KXD1: variants seen among roughly 807,000 people sequenced by gnomAD.
KXD1 encodes kxDL motif-containing protein 1.
In KXD1, 5 loss-of-function variants were observed where a neutral mutation model predicts 12.1. The observed-to-expected ratio is 0.41, with a 90% CI of 0.22 to 0.87. KXD1 has a LOEUF of 0.87. Ranked by LOEUF, KXD1 falls within the 40% of genes least tolerant of loss-of-function variation. KXD1 has a pLI of 0.31. For missense variants in KXD1, 193 were observed against 244.9 expected (o/e 0.79, Z 1.41); for synonymous variants, 98 against 100.5 (o/e 0.98, Z 0.15).
In KXD1 at chr19:18,562,364, G is replaced by A. The variant is rs149844722; in HGVS notation, c.101+207G>A. 4.9e-4 allele frequency among the ~76,000 whole-genome samples: 75 copies of A among 152,382 alleles called. No homozygotes were observed. In the East Asian group the frequency reaches 9.6e-3, roughly 20 times the overall value. ...AGGGCTTTGGGGAGATTTTGCAGCT[G>A]CGGATGGCTTGGCGGGGGCCGCAGG... On this transcript the variant is annotated intron_variant, in intron 2 of 4. Coordinates refer to ENST00000222307, the MANE Select transcript of KXD1 (RefSeq NM_024069.4).
intron 3 of KXD1, among the ~76,000 whole-genome samples, chr19:18,565,914 C>T (rs1975200321): frequency 1.3e-5 from 2 of 152,194 alleles, no homozygotes; most frequent in Admixed American, 1.3e-4. Context: ...TCTCAAACTC[C>T]TGAGCTCCAG....
At position 18,568,445 on chromosome 19, in the gene KXD1, C is replaced by A; in HGVS notation, c.345C>A (p.Pro115=). The A allele has an allele frequency of 6.2e-7, 1 of 1,614,096 alleles. No homozygotes were observed. The highest frequency in any genetic ancestry group is 8.5e-7 in the Non-Finnish European group (1 of 1,180,006). ...TCCTGGAGGAAGAGGATGAAGACCC[C>A]ATCCCACCCAGCACCACGACCACCA... ...ASFLEEEDED[P]IPPSTTTTIA... The change falls in exon 5 of 5, where the codon CCC becomes CCA. Residue 115 remains proline (P), a synonymous_variant. Transcript: ENST00000222307.
At chr19:18,557,988 G>A (rs1407436041) in intron 1 of KXD1, 74 bp downstream of exon 1, 1 of 152,356 alleles carries the variant, frequency 6.6e-6, no homozygotes, top group Non-Finnish European at 1.5e-5. Flanking sequence ...GAACCGGTCC[G>A]GGTCGGGCGC....
intron 1 of KXD1, among the ~76,000 whole-genome samples, chr19:18,560,820 C>T (rs1320529356): frequency 6.6e-6 from 1 of 152,038 alleles, no homozygotes; most frequent in Non-Finnish European, 1.5e-5. Flanking sequence ...GATTCTCCTG[C>T]CTCAAGCTCC....
intron 2 of KXD1, 61 bp downstream of exon 2, chr19:18,562,218 G>T: frequency 7.6e-7 from 1 of 1,312,324 alleles, no homozygotes; most frequent in East Asian, 2.6e-5. Context: ...CAACATTCTT[G>T]TCTTGCCCGC....
At chr19:18,560,047 C>T (rs941914465) in intron 1 of KXD1, 3 of 144,186 alleles carry the variant, frequency 2.1e-5, no homozygotes, top group East Asian at 2.3e-4. Flanking sequence ...CTCTGTCGCC[C>T]GGGCTGGAGT....
chr19:18,563,136 A>T (rs763791964), intron 2 of KXD1, among the ~76,000 whole-genome samples: 1 of 151,828 alleles, frequency 6.6e-6, no homozygotes, highest in East Asian at 1.9e-4. Flanking sequence ...TCTTCTTCCA[A>T]TGTGGCCCAG....
rs1200027047 is a variant in KXD1 at position 18,564,985 on chromosome 19, T to C, written c.218T>C (p.Met73Thr). 1.2e-6 allele frequency: 2 copies of C among 1,609,992 alleles called. No homozygotes were observed. Among genetic ancestry groups the C allele is most frequent in the South Asian group, 1.1e-5 (1 of 91,080 alleles). Reference protein sequence around the residue: ...FLHHTRTLVEMKRDLDSIFRR... With the variant: ...FLHHTRTLVETKRDLDSIFRR... ...CACCACACGAGGACCCTAGTAGAGA[T>C]GAAACGGGACCTGGACAGCATCTTC... The change falls in exon 3 of 5, where the codon ATG (methionine) becomes ACG (threonine). Residue 73 changes from methionine to threonine, a missense_variant. Met to Thr is a moderately conservative substitution (Grantham distance 81, BLOSUM62 -1). Coordinates refer to ENST00000222307, the MANE Select transcript of KXD1 (RefSeq NM_024069.4).
At position 18,569,056 on chromosome 19, in the gene KXD1, C is replaced by T. The variant is rs1859948; in HGVS notation, c.*425C>T. The T allele has an allele frequency of 0.11, 21,399 of 192,810 alleles. 3,188 individuals are homozygous for T. The highest frequency in any genetic ancestry group is 0.38 in the African/African-American group (16,258 of 43,012). 11.9% of individuals were successfully genotyped at this position (192,810 alleles called of 1,614,324 possible). On this transcript the variant is annotated 3_prime_UTR_variant, in exon 5 of 5. Transcript: ENST00000222307. ...CTCTGAGTTCACCCCAGCCCACCCC[C>T]GCACCCACTAATTCTGCTTTTCCTG... is the stretch of plus-strand genomic sequence containing the variant.
chr19:18,562,152 G>A lies in KXD1; in HGVS notation c.96G>A (p.Lys32=). The A allele has an allele frequency of 6.2e-7, 1 of 1,605,346 alleles. No homozygotes were observed. The highest frequency in any genetic ancestry group is 8.5e-7 in the Non-Finnish European group (1 of 1,175,456). ...TCAACGCCATCATCCTGGCCCAGAA[G>A]AACATGTGAGTGGCGGCTGGGGGAC... ...DDVNAIILAQ[K]NMLDRFEKTN... is the part of the protein sequence containing the mutation. The change falls in exon 2 of 5, where the codon AAG becomes AAA. Residue 32 remains lysine, a synonymous_variant. Transcript: ENST00000222307.
intron 1 of KXD1, chr19:18,558,864 A>T (rs1977020270): frequency 6.6e-6 from 1 of 152,020 alleles, no homozygotes; most frequent in Admixed American, 6.6e-5. Context: ...CAGCCCTCAC[A>T]TCTGGGAGCC....
intron 4 of KXD1, among the ~76,000 whole-genome samples, chr19:18,567,573 G>C (rs1215407093): frequency 1.3e-5 from 2 of 152,220 alleles, no homozygotes. Flanking sequence ...AGTCACCCAT[G>C]GGGTGGGGAC....
chr19:18,568,613 G>A lies in KXD1; in HGVS notation c.513G>A (p.Glu171=). The A allele has an allele frequency of 2.5e-6, 4 of 1,610,970 alleles. No individual in the cohort carries two copies. The highest frequency in any genetic ancestry group is 3.4e-6 in the Non-Finnish European group (4 of 1,179,904). Residue 171 remains glutamate, a synonymous_variant, in exon 5 of 5, where the codon GAG becomes GAA. Coordinates refer to ENST00000222307, the MANE Select transcript of KXD1 (RefSeq NM_024069.4). ...ACGGCCGCAGCCAGACAGATGACGA[G>A]GAGATGACGGGCGAATAGCCCTGCT... ...AINGRSQTDD[E]EMTGE is the part of the protein sequence containing the mutation.
intron 3 of KXD1, among the ~76,000 whole-genome samples, chr19:18,565,974 CTAATTTTTGTATTTTGTG>C (rs964370587): frequency 4.6e-5 from 7 of 152,166 alleles, no homozygotes; most frequent in Non-Finnish European, 8.8e-5. Context: ...AGGTGTGAGC[CTAATTTTTGTATTTTGTG>C]TAATTTTTGT....
chr19:18,560,008 T>TCCCTC (rs1230406775), intron 1 of KXD1: 3 of 63,656 alleles, frequency 4.7e-5, no homozygotes, highest in African/African-American at 1.7e-4. Context: ...CTCCCTCCCT[T>TCCCTC]CCTTCCTTCT....
intron 1 of KXD1, chr19:18,559,685 C>T (rs975743424): frequency 1.3e-5 from 2 of 152,082 alleles, no homozygotes; most frequent in Non-Finnish European, 2.9e-5. Context: ...GGGCTGTGGC[C>T]GTTTGTTGTG....
chr19:18,567,079 C>T (rs1347017294), intron 3 of KXD1, 53 bp from the exon 4 acceptor site: 1 of 1,582,258 alleles, frequency 6.3e-7, no homozygotes, highest in Non-Finnish European at 8.7e-7. Context: ...CAGCACCAGG[C>T]CCAGCCTACC....
intron 2 of KXD1, among the ~76,000 whole-genome samples, chr19:18,564,331 G>T (rs943209904): frequency 6.6e-6 from 1 of 152,054 alleles, no homozygotes; most frequent in East Asian, 1.9e-4. Flanking sequence ...AATTAAAAGA[G>T]TCTGATTGGG....
At chr19:18,567,268 T>C (rs1975293205) in intron 4 of KXD1, 90 bp downstream of exon 4, 1 of 1,336,384 alleles carries the variant, frequency 7.5e-7, no homozygotes, top group African/African-American at 1.4e-5. Context: ...GGCCTGATAC[T>C]GAGACCAGGC....
Sources: gnomAD v4.1 joint callset for allele counts (sites outside exome capture counted in the v4.1 genomes callset) on GRCh38, gnomAD v4.1.1 for gene constraint, MANE v1.5 for transcripts, NCBI Gene and HGNC (gene_info 2026-07-23, HGNC 2026-07-21) for gene names.